The following ATE1 variants were observed in gnomAD, a reference collection of about 807,000 sequenced individuals.
ATE1 encodes the protein arginyltransferase 1.
ATE1 carries 36 observed loss-of-function variants against 70.5 expected under a neutral mutation model. The ratio of observed to expected loss-of-function variants is 0.51; its 90% CI spans 0.39 to 0.67. The LOEUF is 0.67. ATE1 is among the 30% of genes least tolerant of loss of function. The pLI is 0.00. For synonymous variants in ATE1, 232 were observed against 219.3 expected, an observed-to-expected ratio of 1.06 and a Z score of -0.51; for missense variants, 593 against 629.5, an observed-to-expected ratio of 0.94 and a Z score of 0.62.
chr10:121,863,246 A>G (rs1431249833), intron 8 of ATE1, among the ~76,000 whole-genome samples: 1 of 147,846 alleles, frequency 6.8e-6, no homozygotes, highest in Non-Finnish European at 1.5e-5. Context: ...TTTGCCCTGA[A>G]GTCTACTTTT....
intron 11 of ATE1, among the ~76,000 whole-genome samples, chr10:121,779,310 C>T (rs1945881058): frequency 6.6e-6 from 1 of 152,160 alleles, no homozygotes; most frequent in Admixed American, 6.5e-5. Flanking sequence ...GATTTCATCA[C>T]CACTAGTCTT....
intron 3 of ATE1, 76 bp from the exon 4 acceptor site, chr10:121,913,969 G>T: frequency 1.8e-6 from 2 of 1,099,360 alleles, no homozygotes; most frequent in Non-Finnish European, 1.3e-6. Flanking sequence ...ATATCACCTA[G>T]TACAATGAGA....
intron 7 of ATE1, among the ~76,000 whole-genome samples, chr10:121,882,820 A>G (rs1950267872): frequency 6.6e-6 from 1 of 152,224 alleles, no homozygotes; most frequent in South Asian, 2.1e-4. Flanking sequence ...TCCTTTTGAC[A>G]GCTAACATCC....
At chr10:121,824,662 T>G (rs1206208891) in intron 10 of ATE1, among the ~76,000 whole-genome samples, 1 of 152,318 alleles carries the variant, frequency 6.6e-6, no homozygotes, top group South Asian at 2.1e-4. Context: ...GGCCACATCA[T>G]GATACCAAAC....
chr10:121,798,966 GA>G (rs78174235), intron 10 of ATE1, among the ~76,000 whole-genome samples: 94,313 of 151,294 alleles, frequency 0.62, 29,398 homozygotes, highest in South Asian at 0.66. Context: ...ACAATAAGAT[GA>G]TAAAATAGTA....
At chr10:121,843,090 TAAC>T (rs775522433) in intron 8 of ATE1, among the ~76,000 whole-genome samples, 1 of 151,918 alleles carries the variant, frequency 6.6e-6, no homozygotes, top group Non-Finnish European at 1.5e-5. Context: ...CAAAAATCAG[TAAC>T]AACAAAAAAT....
intron 11 of ATE1, among the ~76,000 whole-genome samples, chr10:121,750,185 G>T (rs1944524974): frequency 6.6e-6 from 1 of 152,146 alleles, no homozygotes; most frequent in African/African-American, 2.4e-5. Context: ...AATGTCATCA[G>T]TGTAGACAAA....
intron 8 of ATE1, among the ~76,000 whole-genome samples, chr10:121,860,627 G>A (rs1367199645): frequency 6.6e-6 from 1 of 152,180 alleles, no homozygotes; most frequent in Non-Finnish European, 1.5e-5. Flanking sequence ...TTTTTAATAA[G>A]TTGGACAGAA....
chr10:121,892,237 G>A lies in ATE1; in HGVS notation c.942+7629C>T, dbSNP rs182343752. 5.7e-3 allele frequency among the ~76,000 whole-genome samples: 851 copies of A among 148,118 alleles called. 7 individuals are homozygous for A. The highest frequency in any genetic ancestry group is 0.028 in the South Asian group (123 of 4,430). ...GAAAGAATTTCTAGGATGAAAACAC[G>A]ACCGGTGAAGAATCTCATCTGCAGC... On this transcript the variant is annotated intron_variant, in intron 7 of 11. Transcript: ENST00000224652.
chr10:121,815,225 T>A (rs757603157), intron 10 of ATE1, among the ~76,000 whole-genome samples: 1 of 152,200 alleles, frequency 6.6e-6, no homozygotes, highest in Non-Finnish European at 1.5e-5. Context: ...GAGCTCCGCC[T>A]CCCGGGTTCA....
At chr10:121,760,552 C>A (rs1241494644) in intron 11 of ATE1, among the ~76,000 whole-genome samples, 1 of 152,184 alleles carries the variant, frequency 6.6e-6, no homozygotes, top group Non-Finnish European at 1.5e-5. Flanking sequence ...GAAGATGTCA[C>A]AAAATGCTGC....
At chr10:121,785,102 G>A (rs1946151781) in intron 11 of ATE1, among the ~76,000 whole-genome samples, 1 of 151,954 alleles carries the variant, frequency 6.6e-6, no homozygotes, top group Non-Finnish European at 1.5e-5. Context: ...ATCTTTATTG[G>A]CAACAAAGAA....
intron 10 of ATE1, among the ~76,000 whole-genome samples, chr10:121,827,895 T>C (rs912366957): frequency 6.6e-6 from 1 of 152,222 alleles, no homozygotes; most frequent in African/African-American, 2.4e-5. Flanking sequence ...GAGAATATGA[T>C]GCACAAGAAT....
chr10:121,901,092 C>T (rs1950963199), intron 6 of ATE1, among the ~76,000 whole-genome samples: 1 of 152,000 alleles, frequency 6.6e-6, no homozygotes, highest in African/African-American at 2.4e-5. Context: ...ATGGTGAAAC[C>T]CTGTCTCTAT....
chr10:121,844,767 C>T (rs1210488737), intron 8 of ATE1, among the ~76,000 whole-genome samples: 1 of 152,122 alleles, frequency 6.6e-6, no homozygotes, highest in Non-Finnish European at 1.5e-5. Flanking sequence ...GAATAACTAT[C>T]AAGACACACA....
intron 11 of ATE1, among the ~76,000 whole-genome samples, chr10:121,772,480 C>G (rs1222882215): frequency 6.6e-6 from 1 of 151,972 alleles, no homozygotes; most frequent in Non-Finnish European, 1.5e-5. Context: ...TAATTAACCA[C>G]AAAAAAACTT....
intron 8 of ATE1, among the ~76,000 whole-genome samples, chr10:121,843,044 T>C (rs1948689102): frequency 1.3e-5 from 2 of 152,164 alleles, no homozygotes; most frequent in South Asian, 4.1e-4. Context: ...TCTTTCTTTA[T>C]AGATAACATG....
In ATE1 at chr10:121,743,789, C is replaced by A. The variant is rs373910135; in HGVS notation, c.1448G>T (p.Gly483Val). The A allele has an allele frequency of 6.2e-7, 1 of 1,614,102 alleles. No individual in the cohort carries two copies. Among genetic ancestry groups the A allele is most frequent in the Non-Finnish European group, 8.5e-7 (1 of 1,180,014 alleles). The change falls in exon 12 of 12, where the codon GGT becomes GTT. Residue 483 changes from glycine (G) to valine (V), a missense_variant. Around this residue, in one of 3 missense-constraint regions of ATE1, gnomAD observed 90 missense variants for 93.7 expected, o/e 0.96. Transcript: ENST00000224652. ...GTCTTTCTGCTGTTTCTTATAAACA[C>A]CGTAAGGCATGATGGCTCTCTTGTG... The part of the protein sequence containing the change: ...VFHKRAIMPY[G>V]VYKKQQKDPS...
In ATE1 at chr10:121,743,875, TACTGATTTGTAAAATGTC is replaced by T; in HGVS notation, c.1379-35_1379-18del. 3 of 1,565,172 alleles carry T rather than the reference TACTGATTTGTAAAATGTC, an allele frequency of 1.9e-6. No homozygotes were observed. The highest frequency in any genetic ancestry group is 2.6e-6 in the Non-Finnish European group (3 of 1,159,978). On this transcript the variant is annotated intron_variant, in intron 11 of 11. Transcript: ENST00000224652. ...CCTCATCCACTGCAACGACAAAAAATACTGATTTGTAAAATGTCACATATCAAAACTTTTTGTTTCCTT... is the reference window on the plus strand; with the variant it reads ...CCTCATCCACTGCAACGACAAAAAATACATATCAAAACTTTTTGTTTCCTT...
Sources: gnomAD v4.1 joint callset for allele counts (sites outside exome capture counted in the v4.1 genomes callset) on GRCh38, gnomAD v4.1.1 for gene constraint, gnomAD v4.1.1 regional missense constraint, MANE v1.5 for transcripts, NCBI Gene and HGNC (gene_info 2026-07-23, HGNC 2026-07-21) for gene names.